Variants in SHC3 observed in about 807,000 individuals in gnomAD.
SHC3 encodes the protein SHC adaptor protein 3.
In SHC3, 15 loss-of-function variants were observed where a neutral mutation model predicts 60.4. The ratio of observed to expected loss-of-function variants is 0.25; its 90% CI spans 0.17 to 0.38. The LOEUF (loss-of-function observed/expected upper bound fraction) is 0.38. Ranked by LOEUF, SHC3 falls within the 10% of genes least tolerant of loss-of-function variation. SHC3 has a pLI of 1.00. For synonymous variants in SHC3, 294 were observed against 325.9 expected (o/e 0.90, Z 1.05); for missense variants, 677 against 786.1 (o/e 0.86, Z 1.66).
At chr9:89,089,408 T>A (rs918740074) in intron 2 of SHC3, among the ~76,000 whole-genome samples, 3 of 152,132 alleles carry the variant, frequency 2.0e-5, no homozygotes, top group Non-Finnish European at 4.4e-5. Flanking sequence ...TCTTGGAGCC[T>A]GGGGGGTGGA....
At chr9:89,049,899 A>G (rs971867588) in intron 7 of SHC3, among the ~76,000 whole-genome samples, 8 of 151,882 alleles carry the variant, frequency 5.3e-5, no homozygotes, top group Admixed American at 3.9e-4. Context: ...TTCTTCCACT[A>G]CGTGGCTGCC....
chr9:89,019,049 ACT>A (rs1055597222), intron 11 of SHC3, among the ~76,000 whole-genome samples: 4 of 148,270 alleles, frequency 2.7e-5, no homozygotes, highest in Admixed American at 6.8e-5. Flanking sequence ...ACAGAGCAAG[ACT>A]CTGTCTCAGA....
chr9:89,090,475 G>A (rs1825603713), intron 2 of SHC3, among the ~76,000 whole-genome samples: 1 of 152,238 alleles, frequency 6.6e-6, no homozygotes, highest in Non-Finnish European at 1.5e-5. Flanking sequence ...GCTCTGTTAA[G>A]TAGAATGCTG....
intron 1 of SHC3, among the ~76,000 whole-genome samples, chr9:89,160,913 C>T (rs1402345423): frequency 6.6e-6 from 1 of 152,166 alleles, no homozygotes; most frequent in African/African-American, 2.4e-5. Flanking sequence ...TCAAAATAAG[C>T]CTCCATGGAA....
intron 1 of SHC3, among the ~76,000 whole-genome samples, chr9:89,128,407 T>C (rs1826194408): frequency 6.6e-6 from 1 of 152,180 alleles, no homozygotes; most frequent in African/African-American, 2.4e-5. Context: ...GTAGTGGTTC[T>C]CCCAGCACGG....
intron 3 of SHC3, among the ~76,000 whole-genome samples, chr9:89,075,963 T>C (rs916908267): frequency 6.6e-6 from 1 of 152,160 alleles, no homozygotes; most frequent in African/African-American, 2.4e-5. Flanking sequence ...CCATCCCTTC[T>C]TTTTGGATTA....
At chr9:89,023,812 C>T (rs1001860140) in intron 11 of SHC3, among the ~76,000 whole-genome samples, 1 of 152,222 alleles carries the variant, frequency 6.6e-6, no homozygotes, top group Non-Finnish European at 1.5e-5. Context: ...GTTTGCCTGA[C>T]AAGTTACCTA....
intron 1 of SHC3, among the ~76,000 whole-genome samples, chr9:89,153,580 C>A (rs1201412643): frequency 6.6e-6 from 1 of 152,160 alleles, no homozygotes; most frequent in African/African-American, 2.4e-5. Context: ...AAGCTGAGAA[C>A]CCTCATTTGG....
intron 1 of SHC3, among the ~76,000 whole-genome samples, chr9:89,154,315 C>T (rs749901832): frequency 6.6e-6 from 1 of 151,998 alleles, no homozygotes; most frequent in Non-Finnish European, 1.5e-5. Flanking sequence ...CACTGGACAC[C>T]CCGATTTAGA....
Position 89,170,559 on chromosome 9 carries a change from C to T in SHC3, c.474+7428G>A, listed in dbSNP as rs771137761. 8.5e-5 allele frequency among the ~76,000 whole-genome samples: 13 copies of T among 152,250 alleles called. No individual in the cohort carries two copies. In the South Asian group the frequency reaches 1.0e-3, roughly 12 times the overall value. ...ATTCGGGAGGCTGAGGAGGGAGGAT[C>T]GCTTGAGCCTGGGAGGTCAAGGCTA... On this transcript the variant is annotated intron_variant, in intron 1 of 11. Coordinates refer to ENST00000375835, the MANE Select transcript of SHC3 (RefSeq NM_016848.6).
At chr9:89,110,481 G>A in intron 2 of SHC3, 23 of 983,612 alleles carry the variant, frequency 2.3e-5, no homozygotes, top group Non-Finnish European at 2.5e-5. Flanking sequence ...TGAACACTTA[G>A]TTACCATGGA....
At chr9:89,105,821 T>C (rs145588079) in intron 2 of SHC3, among the ~76,000 whole-genome samples, 2 of 152,318 alleles carry the variant, frequency 1.3e-5, no homozygotes, top group African/African-American at 4.8e-5. Flanking sequence ...ATATTTTCAA[T>C]AACTTCAGTT....
intron 1 of SHC3, among the ~76,000 whole-genome samples, chr9:89,119,882 A>C (rs1826066568): frequency 6.6e-6 from 1 of 152,254 alleles, no homozygotes; most frequent in African/African-American, 2.4e-5. Context: ...CGAGTCATAC[A>C]AGGAATTAGA....
intron 1 of SHC3, among the ~76,000 whole-genome samples, chr9:89,150,187 G>T (rs927517186): frequency 3.3e-5 from 5 of 152,098 alleles, no homozygotes; most frequent in African/African-American, 1.2e-4. Flanking sequence ...ATCATAGCAC[G>T]TATGGGGTTC....
At chr9:89,114,253 G>T (rs182360293) in intron 1 of SHC3, among the ~76,000 whole-genome samples, 1 of 152,126 alleles carries the variant, frequency 6.6e-6, no homozygotes, top group South Asian at 2.1e-4. Flanking sequence ...GTGGAATTAC[G>T]TAAATATCAT....
At chr9:89,100,111 A>C (rs1206781940) in intron 2 of SHC3, among the ~76,000 whole-genome samples, 1 of 152,214 alleles carries the variant, frequency 6.6e-6, no homozygotes, top group East Asian at 1.9e-4. Flanking sequence ...GGAAAAGCCA[A>C]ACTCAGATGG....
intron 11 of SHC3, among the ~76,000 whole-genome samples, chr9:89,028,931 C>A (rs1824423010): frequency 1.4e-5 from 2 of 147,138 alleles, no homozygotes; most frequent in African/African-American, 4.9e-5. Flanking sequence ...AGTTTTTTAA[C>A]TTTTTTTTCT....
intron 11 of SHC3, 66 bp downstream of exon 11, chr9:89,037,927 T>C: frequency 1.3e-6 from 2 of 1,556,570 alleles, no homozygotes; most frequent in East Asian, 4.5e-5. Context: ...TTTGACAAAG[T>C]GGAGACTGTT....
intron 6 of SHC3, among the ~76,000 whole-genome samples, chr9:89,061,940 G>A (rs868510397): frequency 6.6e-5 from 10 of 152,180 alleles, no homozygotes; most frequent in African/African-American, 1.9e-4. Flanking sequence ...TCCACTGGGG[G>A]ACTTGGATGG....
Sources: allele counts gnomAD v4.1 joint callset (sites outside exome capture counted in the v4.1 genomes callset), GRCh38; gene constraint gnomAD v4.1.1; transcripts MANE v1.5; gene names NCBI Gene and HGNC (gene_info 2026-07-23, HGNC 2026-07-21).